Variants in ATP13A5 observed in about 807,000 individuals in gnomAD.
ATP13A5 encodes the protein ATPase 13A5.
A neutral mutation model predicts 150.2 loss-of-function variants in ATP13A5; 149 were observed. The observed-to-expected ratio is 0.99, with a 90% CI of 0.87 to 1.14. The LOEUF (loss-of-function observed/expected upper bound fraction) is 1.14. Ranked by LOEUF, ATP13A5 falls within the 50% of genes most tolerant of loss-of-function variation. The probability of loss-of-function intolerance (pLI) is 0.00; values close to 1 mark genes in which losing one functional copy is unlikely to be tolerated. For synonymous variants in ATP13A5, 497 were observed against 522.2 expected (o/e 0.95, Z 0.66); for missense variants, 1,383 against 1,449.3 (o/e 0.95, Z 0.74).
intron 6 of ATP13A5, among the ~76,000 whole-genome samples, chr3:193,352,691 T>C (rs1712611173): frequency 6.6e-6 from 1 of 152,002 alleles, no homozygotes; most frequent in African/African-American, 2.4e-5. Context: ...GAAATCTTTG[T>C]ATGTTCCACC....
intron 28 of ATP13A5, among the ~76,000 whole-genome samples, chr3:193,277,226 T>G (rs13086296): frequency 0.38 from 57,568 of 151,744 alleles, 12,520 homozygotes; most frequent in Non-Finnish European, 0.48. Context: ...AAATTCTACC[T>G]GGAATTCATT....
chr3:193,344,930 T>G, intron 8 of ATP13A5, 73 bp downstream of exon 8: 1 of 1,379,156 alleles, frequency 7.3e-7, no homozygotes, highest in Non-Finnish European at 1.0e-6. Flanking sequence ...CCTTGACTAA[T>G]AATTAAGGAC....
At chr3:193,343,108 C>G (rs1712191752) in intron 9 of ATP13A5, among the ~76,000 whole-genome samples, 1 of 152,244 alleles carries the variant, frequency 6.6e-6, no homozygotes, top group South Asian at 2.1e-4. Flanking sequence ...AATGAACTCT[C>G]CCTACATTTA....
intron 17 of ATP13A5, among the ~76,000 whole-genome samples, chr3:193,315,488 A>G (rs991453744): frequency 6.6e-5 from 10 of 152,200 alleles, no homozygotes; most frequent in South Asian, 2.1e-4. Context: ...TTCTGCATAC[A>G]TACAAGACAC....
intron 14 of ATP13A5, among the ~76,000 whole-genome samples, chr3:193,324,527 T>G (rs1482284935): frequency 6.6e-6 from 1 of 152,192 alleles, no homozygotes; most frequent in Non-Finnish European, 1.5e-5. Context: ...GTAAGGTTTT[T>G]GAGGTCAGAT....
intron 27 of ATP13A5, 102 bp from the exon 28 acceptor site, chr3:193,279,556 A>T: frequency 1.2e-6 from 1 of 816,856 alleles, no homozygotes; most frequent in Non-Finnish European, 2.0e-6. Flanking sequence ...AATACCAGAT[A>T]TATCTTCAGA....
chr3:193,305,555 T>A lies in ATP13A5; in HGVS notation c.2678+4A>T, dbSNP rs1718578757. ...TAGGGCTGGAAGAGGAAAAAATGAC[T>A]TACCTGATGAGATGAGGCACACACT... On this transcript the variant is annotated splice_donor_region_variant and intron_variant, in intron 23 of 29. Coordinates refer to ENST00000342358, the MANE Select transcript of ATP13A5 (RefSeq NM_198505.4). 6.2e-7 allele frequency: 1 copy of A among 1,612,012 alleles called. No individual in the cohort carries two copies. Among genetic ancestry groups the A allele is most frequent in the African/African-American group, 1.3e-5 (1 of 74,822 alleles).
chr3:193,354,044 G>T, intron 6 of ATP13A5, 83 bp downstream of exon 6: 1 of 1,094,932 alleles, frequency 9.1e-7, no homozygotes, highest in Non-Finnish European at 1.3e-6. Context: ...TCACATCAAA[G>T]TATTTATGTG....
intron 1 of ATP13A5, among the ~76,000 whole-genome samples, chr3:193,366,174 G>T (rs1713232309): frequency 6.6e-6 from 1 of 152,032 alleles, no homozygotes; most frequent in Non-Finnish European, 1.5e-5. Flanking sequence ...GTGATACAAT[G>T]TTAAATGGAG....
In ATP13A5 at chr3:193,378,662, C is replaced by G. The variant is rs1240531823; in HGVS notation, c.63+1G>C. On this transcript the variant is annotated splice_donor_variant, in intron 1 of 29. Coordinates refer to ENST00000342358, the MANE Select transcript of ATP13A5 (RefSeq NM_198505.4). LOFTEE classifies it high-confidence loss of function. ...ACTAATAAAATAAAGGGAAGACTCA[C>G]CAGTTCATCCTCCTCTCCCTGGTTG... 1 of 1,613,544 alleles carries G rather than the reference C, an allele frequency of 6.2e-7. No individual in the cohort carries two copies. The highest frequency in any genetic ancestry group is 8.5e-7 in the Non-Finnish European group (1 of 1,179,482).
chr3:193,339,565 T>C (rs986444265), intron 9 of ATP13A5, among the ~76,000 whole-genome samples: 3 of 152,216 alleles, frequency 2.0e-5, no homozygotes, highest in African/African-American at 7.2e-5. Context: ...GCTATAAAAT[T>C]GTTATTAGCA....
intron 7 of ATP13A5, among the ~76,000 whole-genome samples, chr3:193,346,363 G>A (rs1380799269): frequency 6.6e-6 from 1 of 152,130 alleles, no homozygotes. Flanking sequence ...GCATCTTATA[G>A]GATAACACAG....
At chr3:193,333,985 G>T in intron 10 of ATP13A5, 78 bp from the exon 11 acceptor site, 1 of 1,351,104 alleles carries the variant, frequency 7.4e-7, no homozygotes, top group Admixed American at 2.0e-5. Context: ...TACTGTCTTT[G>T]AGGAAAAGAG....
chr3:193,362,657 A>G lies in ATP13A5; in HGVS notation c.385-20T>C. The stretch of plus-strand genomic sequence containing the variant: ...CCGCAGCTACGATTGCAAATGTGAT[A>G]GAGCAGGTGTCATTCACAGCATAAA... On this transcript the variant is annotated intron_variant, in intron 3 of 29. Transcript: ENST00000342358. 1 of 1,611,876 alleles carries G rather than the reference A, an allele frequency of 6.2e-7. No individual in the cohort carries two copies. The highest frequency in any genetic ancestry group is 8.5e-7 in the Non-Finnish European group (1 of 1,177,902).
chr3:193,314,375 C>T lies in ATP13A5; in HGVS notation c.2159-182G>A, dbSNP rs546645238. On this transcript the variant is annotated intron_variant, in intron 18 of 29. Coordinates refer to ENST00000342358, the MANE Select transcript of ATP13A5 (RefSeq NM_198505.4). ...GGGCAAACACTATGTTCCCATCTCC[C>T]TCTCCATATTCTGCATCATATCCTG... The T allele has an allele frequency of 1.3e-5, 8 of 594,728 alleles. No homozygotes were observed. The East Asian group carries it at 2.3e-4, about 17-fold the overall frequency. The allele number at this position is 594,728 out of a possible 1,614,324, so 36.8% of individuals were successfully genotyped here. A position where few individuals can be genotyped will look rare whatever the true frequency, so the allele number is the denominator to read the frequency against.
intron 16 of ATP13A5, among the ~76,000 whole-genome samples, chr3:193,319,480 T>G (rs967890416): frequency 2.0e-5 from 3 of 152,216 alleles, no homozygotes; most frequent in Admixed American, 1.3e-4. Flanking sequence ...CACATCTCTC[T>G]CCACCATGTG....
intron 21 of ATP13A5, among the ~76,000 whole-genome samples, chr3:193,308,340 T>C (rs976239537): frequency 5.3e-5 from 8 of 152,100 alleles, no homozygotes; most frequent in African/African-American, 1.9e-4. Flanking sequence ...GCTCCTGTAA[T>C]CTCAGCTACT....
intron 19 of ATP13A5, 22 bp downstream of exon 19, chr3:193,314,011 G>C (rs991513050): frequency 6.2e-7 from 1 of 1,611,280 alleles, no homozygotes; most frequent in South Asian, 1.1e-5. Context: ...GCCCACGGAG[G>C]GGCCTTCTAA....
Position 193,332,511 on chromosome 3 carries a change from C to T in ATP13A5, c.1273-1200G>A, listed in dbSNP as rs534758875. 2.6e-5 allele frequency among the ~76,000 whole-genome samples: 4 copies of T among 152,272 alleles called. No homozygotes were observed. In the South Asian group the frequency reaches 8.3e-4, roughly 32 times the overall value. On this transcript the variant is annotated intron_variant, in intron 11 of 29. Coordinates refer to ENST00000342358, the MANE Select transcript of ATP13A5 (RefSeq NM_198505.4). ...ATATTAATGATTCTACCCTCTAGAA[C>T]CTCACCTATGTTTTTGTTAAATTAA... is the stretch of plus-strand genomic sequence containing the variant.
Sources: gnomAD v4.1 joint callset for allele counts (sites outside exome capture counted in the v4.1 genomes callset) on GRCh38, gnomAD v4.1.1 for gene constraint, MANE v1.5 for transcripts, NCBI Gene and HGNC (gene_info 2026-07-23, HGNC 2026-07-21) for gene names.